The following VNN2 variants were observed in gnomAD, a reference collection of about 807,000 sequenced individuals.
VNN2 encodes the protein vanin 2, also known as pantetheine hydrolase VNN2.
In VNN2, 43 loss-of-function variants were observed where a neutral mutation model predicts 43.0. That is an observed-to-expected ratio of 1.00 (90% CI 0.78 to 1.29). VNN2 has a LOEUF of 1.29. Ranked by LOEUF, VNN2 falls within the 50% of genes most tolerant of loss-of-function variation. The pLI is 0.00. For synonymous variants in VNN2, 230 were observed against 224.3 expected (o/e 1.03, Z -0.23); for missense variants, 652 against 619.7 (o/e 1.05, Z -0.55).
At chr6:132,756,543 A>T (rs988118828) in intron 2 of VNN2, among the ~76,000 whole-genome samples, 10 of 151,194 alleles carry the variant, frequency 6.6e-5, no homozygotes, top group African/African-American at 2.5e-4. Context: ...ATTTTACCTG[A>T]TCTCATCTTA....
chr6:132,745,637 C>T (rs1352816308), intron 6 of VNN2, among the ~76,000 whole-genome samples: 6 of 152,172 alleles, frequency 3.9e-5, no homozygotes, highest in Admixed American at 3.3e-4. Flanking sequence ...TTTAAAGTTA[C>T]ATCACACCAC....
At position 132,755,955 on chromosome 6, in the gene VNN2, T is replaced by TC. The variant is rs1780442786; in HGVS notation, c.424dup (p.Asp142GlyfsTer6). 16 of 1,613,946 alleles carry TC rather than the reference T, an allele frequency of 9.9e-6. No homozygotes were observed. Among genetic ancestry groups the TC allele is most frequent in the Non-Finnish European group, 1.4e-5 (16 of 1,180,006 alleles). ...GTCACGGGAATTACATGGCTTTTTG[T>TC]CCCCCAAATTTGCCAAGACATAGAT... On this transcript the variant is annotated frameshift_variant, in exon 3 of 7. Coordinates refer to ENST00000326499, the MANE Select transcript of VNN2 (RefSeq NM_004665.6). LOFTEE classifies it high-confidence loss of function.
At position 132,751,315 on chromosome 6, in the gene VNN2, C is replaced by G; in HGVS notation, c.1030G>C (p.Asp344His). ...AAAAGTTCTGTGAAGTTGAACCCAT[C>G]CCTGGAAATAAATCCCCTGAAAGTG... ...KNTFRGFISR[D>H]GFNFTELFEN... Residue 344 changes from aspartate (D) to histidine (H), a missense_variant, in exon 5 of 7, where the codon GAT (aspartate) becomes CAT (histidine). By Grantham distance (81) the Asp-to-His change is moderately conservative (BLOSUM62 -1). Coordinates refer to ENST00000326499, the MANE Select transcript of VNN2 (RefSeq NM_004665.6). 6.2e-7 allele frequency: 1 copy of G among 1,614,110 alleles called. No homozygotes were observed. The highest frequency in any genetic ancestry group is 1.3e-5 in the African/African-American group (1 of 75,036).
upstream of VNN2, chr6:132,758,039 C>CTTATTCT: frequency 6.2e-6 from 1 of 161,520 alleles, no homozygotes; most frequent in Non-Finnish European, 1.0e-5. Context: ...TCTTCTTCTT[C>CTTATTCT]TTTTTTTTTT....
At chr6:132,760,391 G>C (rs1227487261), upstream of VNN2, among the ~76,000 whole-genome samples, 2 of 152,058 alleles carry the variant, frequency 1.3e-5, no homozygotes, top group Non-Finnish European at 2.9e-5. Flanking sequence ...GCCCAGGCTT[G>C]TTTCAAACTC....
chr6:132,756,182 G>T, intron 2 of VNN2, 147 bp from the exon 3 acceptor site: 3 of 767,848 alleles, frequency 3.9e-6, no homozygotes, highest in Non-Finnish European at 6.0e-6. Context: ...AAAAGCCACA[G>T]ATGATTATAC....
intron 4 of VNN2, 110 bp from the exon 5 acceptor site, chr6:132,751,628 G>A (rs770962762): frequency 5.3e-5 from 68 of 1,279,968 alleles, no homozygotes; most frequent in African/African-American, 5.2e-4. Context: ...TATTAGTCAC[G>A]ATGAGAGAGG....
intron 5 of VNN2, among the ~76,000 whole-genome samples, chr6:132,750,362 AGG>A (rs1392831148): frequency 6.6e-6 from 1 of 151,992 alleles, no homozygotes; most frequent in African/African-American, 2.4e-5. Context: ...ATACAAGGCC[AGG>A]TGTGGTGGTT....
In VNN2 at chr6:132,752,505, T is replaced by C; in HGVS notation, c.782A>G (p.Asn261Ser). ...ATGATGTGTGTTGGCCACAAGAAGA[T>C]TAACTCCCATTCCCATTGCCCAAGC... Reference protein sequence around the residue: ...HSAWAMGMGVNLLVANTHHVS... With the variant: ...HSAWAMGMGVSLLVANTHHVS... The change falls in exon 4 of 7, where the codon AAT becomes AGT. Residue 261 changes from asparagine (N) to serine (S), a missense_variant. Transcript: ENST00000326499. 1 of 1,614,028 alleles carries C rather than the reference T, an allele frequency of 6.2e-7. No homozygotes were observed. The highest frequency in any genetic ancestry group is 8.5e-7 in the Non-Finnish European group (1 of 1,179,954).
upstream of VNN2, among the ~76,000 whole-genome samples, chr6:132,759,622 T>C (rs1292093918): frequency 6.6e-6 from 1 of 151,874 alleles, no homozygotes; most frequent in East Asian, 1.9e-4. Flanking sequence ...CATAGAAGAG[T>C]AGGTACGATT....
chr6:132,753,692 C>T (rs1486323395), intron 3 of VNN2: 1 of 248,370 alleles, frequency 4.0e-6, no homozygotes, highest in Admixed American at 4.8e-5. Context: ...TGGCTCATGC[C>T]TGTAATCCAA....
chr6:132,749,779 G>A lies in VNN2; in HGVS notation c.1287C>T (p.Phe429=). ...VETASTRFEM[F]SLSGTFGTEY... ...CTGTTCCAAATGTGCCACTGAGGGAGAACATTTCAAATCTTGTAGAAGCAG... is the reference window on the plus strand; with the variant it reads ...CTGTTCCAAATGTGCCACTGAGGGAAAACATTTCAAATCTTGTAGAAGCAG... The change falls in exon 6 of 7, where the codon TTC becomes TTT. Residue 429 remains phenylalanine, a synonymous_variant. Coordinates refer to ENST00000326499, the MANE Select transcript of VNN2 (RefSeq NM_004665.6). 1 of 1,614,082 alleles carries A rather than the reference G, an allele frequency of 6.2e-7. No homozygotes were observed. The highest frequency in any genetic ancestry group is 8.5e-7 in the Non-Finnish European group (1 of 1,179,988).
intron 5 of VNN2, among the ~76,000 whole-genome samples, 164 bp downstream of exon 5, chr6:132,750,981 C>G (rs771089590): frequency 1.5e-4 from 22 of 148,448 alleles, no homozygotes; most frequent in Admixed American, 2.7e-4. Flanking sequence ...AGTGTATGTA[C>G]GTGCATAAAT....
intron 6 of VNN2, among the ~76,000 whole-genome samples, chr6:132,749,012 T>G (rs527320014): frequency 1.1e-3 from 167 of 152,354 alleles, no homozygotes; most frequent in Non-Finnish European, 1.3e-3. Context: ...TAAACAAACA[T>G]TCTTCAATGA....
At chr6:132,755,392 T>C (rs1185314276) in intron 3 of VNN2, among the ~76,000 whole-genome samples, 1 of 150,370 alleles carries the variant, frequency 6.7e-6, no homozygotes, top group Non-Finnish European at 1.5e-5. Flanking sequence ...TCTTTTTTTT[T>C]TTTTGAGAGT....
chr6:132,761,453 A>G (rs1414255523), upstream of VNN2, among the ~76,000 whole-genome samples: 2 of 152,124 alleles, frequency 1.3e-5, no homozygotes, highest in South Asian at 2.1e-4. Flanking sequence ...TGAGGTCAGG[A>G]GTTCGAGCCC....
intron 5 of VNN2, 67 bp from the exon 6 acceptor site, chr6:132,749,932 C>T (rs33938039): frequency 1.4e-6 from 2 of 1,436,586 alleles, no homozygotes; most frequent in Non-Finnish European, 1.9e-6. Context: ...AGAAATGTTG[C>T]CTTAGTTTTT....
chr6:132,749,404 TAATCCCAGCTGTCCAGGACAAGGC>T (rs1228211832), intron 6 of VNN2, among the ~76,000 whole-genome samples: 1 of 152,154 alleles, frequency 6.6e-6, no homozygotes, highest in African/African-American at 2.4e-5. Context: ...ATGGCCTTAA[TAATCCCAGCTGTCCAGGACAAGGC>T]AATCACAAAC....
intron 6 of VNN2, among the ~76,000 whole-genome samples, chr6:132,744,791 A>G (rs1779623110): frequency 6.6e-6 from 1 of 152,250 alleles, no homozygotes; most frequent in African/African-American, 2.4e-5. Context: ...CCAGAGAGTT[A>G]TACATCACAT....
Sources: gnomAD v4.1 joint callset for allele counts (sites outside exome capture counted in the v4.1 genomes callset) on GRCh38, gnomAD v4.1.1 for gene constraint, MANE v1.5 for transcripts, NCBI Gene and HGNC (gene_info 2026-07-23, HGNC 2026-07-21) for gene names.